The following CLTCL1 variants were observed in gnomAD, a reference collection of about 807,000 sequenced individuals.
CLTCL1 encodes the protein clathrin heavy chain 2.
CLTCL1 carries 159 observed loss-of-function variants against 190.0 expected under a neutral mutation model. The ratio of observed to expected loss-of-function variants is 0.84; its 90% CI spans 0.74 to 0.95. The LOEUF is 0.95. CLTCL1 is among the 40% of genes least tolerant of loss of function. The pLI is 0.00. For missense variants in CLTCL1, 1,878 were observed against 2,033.4 expected, an observed-to-expected ratio of 0.92 and a Z score of 1.47; for synonymous variants, 752 against 769.6, an observed-to-expected ratio of 0.98 and a Z score of 0.38.
chr22:19,250,720 G>C (rs961678241), intron 3 of CLTCL1, among the ~76,000 whole-genome samples: 37 of 151,884 alleles, frequency 2.4e-4, no homozygotes, highest in Non-Finnish European at 4.0e-4. Context: ...TGCCTGGCTA[G>C]TTTTTGCATT....
intron 12 of CLTCL1, 91 bp from the exon 13 acceptor site, chr22:19,225,724 TG>T (rs2085722537): frequency 1.7e-6 from 2 of 1,190,862 alleles, no homozygotes; most frequent in African/African-American, 3.1e-5. Context: ...CCTGTTCCCC[TG>T]AGTGTCAAAA....
At chr22:19,213,812 G>C (rs2085304186) in intron 19 of CLTCL1, among the ~76,000 whole-genome samples, 1 of 152,130 alleles carries the variant, frequency 6.6e-6, no homozygotes, top group African/African-American at 2.4e-5. Context: ...GCTAGCACAA[G>C]GGAATGTTAA....
intron 29 of CLTCL1, chr22:19,184,682 A>G: frequency 7.2e-6 from 3 of 416,294 alleles, no homozygotes; most frequent in South Asian, 5.1e-5. Context: ...TGTCTTCCAC[A>G]TGTGCCTAAA....
intron 2 of CLTCL1, chr22:19,257,702 CA>C: frequency 2.2e-6 from 2 of 930,072 alleles, no homozygotes; most frequent in South Asian, 2.6e-5. Context: ...GCTTGGGGTC[CA>C]GGGCCCTGGC....
chr22:19,210,661 T>C (rs1321110290), intron 19 of CLTCL1, among the ~76,000 whole-genome samples, 152 bp from the exon 20 acceptor site: 2 of 152,174 alleles, frequency 1.3e-5, no homozygotes, highest in Admixed American at 1.3e-4. Flanking sequence ...ACAGAGTATT[T>C]GTGAAGTATT....
At chr22:19,238,079 T>G (rs1166085005) in intron 5 of CLTCL1, among the ~76,000 whole-genome samples, 5 of 151,964 alleles carry the variant, frequency 3.3e-5, no homozygotes, top group African/African-American at 1.2e-4. Flanking sequence ...ATTTTTATTC[T>G]TATTTATTTA....
chr22:19,265,756 T>C (rs1391851638), intron 2 of CLTCL1, among the ~76,000 whole-genome samples: 5 of 152,178 alleles, frequency 3.3e-5, no homozygotes, highest in South Asian at 2.1e-4. Flanking sequence ...TAAAATGGTA[T>C]GCTACATTTT....
chr22:19,228,174 A>G (rs2085810930), intron 11 of CLTCL1, among the ~76,000 whole-genome samples: 1 of 152,250 alleles, frequency 6.6e-6, no homozygotes, highest in Non-Finnish European at 1.5e-5. Context: ...TACTAAGAGT[A>G]GGGCTTTAGA....
chr22:19,209,972 G>GTGCAGA (rs2085167215), intron 20 of CLTCL1, among the ~76,000 whole-genome samples: 2 of 152,184 alleles, frequency 1.3e-5, no homozygotes, highest in African/African-American at 4.8e-5. Flanking sequence ...TGGTGCAGAG[G>GTGCAGA]GCTGGAATGG....
At chr22:19,231,326 C>T (rs970163107) in intron 10 of CLTCL1, among the ~76,000 whole-genome samples, 2 of 152,202 alleles carry the variant, frequency 1.3e-5, no homozygotes, top group African/African-American at 2.4e-5. Flanking sequence ...AGGGCTCAAG[C>T]GATCCTCCCA....
At chr22:19,217,306 TCTAA>T (rs1555949994) in intron 18 of CLTCL1, among the ~76,000 whole-genome samples, 2 of 152,008 alleles carry the variant, frequency 1.3e-5, no homozygotes, top group East Asian at 1.9e-4. Context: ...AACAGTGACA[TCTAA>T]CTGTCAATTC....
At chr22:19,249,162 C>T (rs2086511280) in intron 3 of CLTCL1, among the ~76,000 whole-genome samples, 1 of 152,064 alleles carries the variant, frequency 6.6e-6, no homozygotes, top group Admixed American at 6.6e-5. Flanking sequence ...AGTTTGAGAC[C>T]ATCCTGGCTA....
intron 3 of CLTCL1, among the ~76,000 whole-genome samples, chr22:19,243,551 T>G (rs992362624): frequency 3.3e-5 from 5 of 151,962 alleles, no homozygotes; most frequent in Non-Finnish European, 4.4e-5. Context: ...CCAAGAAGTT[T>G]GAGGTTGCAG....
At chr22:19,203,665 C>T (rs1452883587) in intron 22 of CLTCL1, among the ~76,000 whole-genome samples, 2 of 152,198 alleles carry the variant, frequency 1.3e-5, no homozygotes, top group Non-Finnish European at 2.9e-5. Context: ...CCCCACACCC[C>T]CACTGCCATG....
rs911708953 is a variant in CLTCL1 at position 19,180,615 on chromosome 22, A to C, written c.4903+116T>G. 3 of 989,116 alleles carry C rather than the reference A, an allele frequency of 3.0e-6. No individual in the cohort carries two copies. The Admixed American group carries it at 5.9e-5, about 20-fold the overall frequency. The allele number at this position is 989,116 out of a possible 1,614,324, so 61.3% of individuals were successfully genotyped here. A position where few individuals can be genotyped will look rare whatever the true frequency, so the allele number is the denominator to read the frequency against. On this transcript the variant is annotated intron_variant, in intron 31 of 32. Coordinates refer to ENST00000427926, the MANE Select transcript of CLTCL1 (RefSeq NM_007098.4). Reference sequence around the variant, plus strand: ...ACCCAGTAGCCACTGGGATCCTTCCAGCCCCCACCCATCTATTCCCATCCC... The same window carrying C: ...ACCCAGTAGCCACTGGGATCCTTCCCGCCCCCACCCATCTATTCCCATCCC...
Position 19,232,616 on chromosome 22 carries a change from C to T in CLTCL1, c.1522-18G>A. ...TACCCAACCTAGAAGCAAGGGAGCA[C>T]CAATCAGGAAAATCAATGAAAAACC... On this transcript the variant is annotated intron_variant, in intron 9 of 32. Transcript: ENST00000427926. 1 of 1,601,826 alleles carries T rather than the reference C, an allele frequency of 6.2e-7. No homozygotes were observed. Among genetic ancestry groups the T allele is most frequent in the Non-Finnish European group, 8.5e-7 (1 of 1,174,540 alleles).
At chr22:19,202,206 C>CCT (rs1387307324) in intron 22 of CLTCL1, among the ~76,000 whole-genome samples, 2 of 152,038 alleles carry the variant, frequency 1.3e-5, no homozygotes, top group African/African-American at 4.8e-5. Flanking sequence ...TCTTGACTCT[C>CCT]CTGATTGTTC....
intron 19 of CLTCL1, among the ~76,000 whole-genome samples, chr22:19,213,204 ACTGAG>A (rs2085287394): frequency 6.6e-6 from 1 of 152,254 alleles, no homozygotes; most frequent in African/African-American, 2.4e-5. Flanking sequence ...ACGGATGGTA[ACTGAG>A]CACATAAAAA....
intron 24 of CLTCL1, among the ~76,000 whole-genome samples, chr22:19,199,100 T>C (rs1745550530): frequency 6.6e-6 from 1 of 152,164 alleles, no homozygotes; most frequent in East Asian, 1.9e-4. Flanking sequence ...TCCATGGCCA[T>C]GGTGACACTG....
Sources: allele counts gnomAD v4.1 joint callset (sites outside exome capture counted in the v4.1 genomes callset), GRCh38; gene constraint gnomAD v4.1.1; transcripts MANE v1.5; gene names NCBI Gene and HGNC (gene_info 2026-07-23, HGNC 2026-07-21).